Variants in RIF1 observed in about 807,000 individuals in gnomAD.
The protein encoded by RIF1 is telomere-associated protein RIF1.
A neutral mutation model predicts 247.1 loss-of-function variants in RIF1; 45 were observed. The observed-to-expected ratio is 0.18, with a 90% CI of 0.14 to 0.23. The LOEUF (loss-of-function observed/expected upper bound fraction) is 0.23, where lower values mean the gene tolerates loss of function less well. Among genes scored for constraint, RIF1 ranks in the 10% least tolerant of loss-of-function variants. The pLI is 1.00. For synonymous variants in RIF1, 1,087 were observed against 978.8 expected, an observed-to-expected ratio of 1.11 and a Z score of -2.06; for missense variants, 2,967 against 2,862.5, an observed-to-expected ratio of 1.04 and a Z score of -0.83.
intron 8 of RIF1, among the ~76,000 whole-genome samples, chr2:151,427,297 G>T (rs1396119744): frequency 1.3e-5 from 2 of 151,586 alleles, no homozygotes; most frequent in African/African-American, 4.8e-5. Context: ...TGCAGCCTCG[G>T]CCTCTCAGGT....
the RIF1 span, chr2:151,532,133 G>T: frequency 2.8e-6 from 1 of 354,366 alleles, no homozygotes; most frequent in Non-Finnish European, 5.2e-6. Flanking sequence ...GTCTTACTCT[G>T]TCACCCAGGC....
At chr2:151,528,158 G>A in the RIF1 span, among the ~76,000 whole-genome samples, 1 of 152,206 alleles carries the variant, frequency 6.6e-6, no homozygotes, top group African/African-American at 2.4e-5. Flanking sequence ...TCTGGCTGCA[G>A]AGGGGCTTGC....
chr2:151,514,092 A>G, the RIF1 span, among the ~76,000 whole-genome samples: 1 of 152,246 alleles, frequency 6.6e-6, no homozygotes, highest in Non-Finnish European at 1.5e-5. Context: ...ATATTAGATA[A>G]TAGATTATGA....
At chr2:151,527,146 G>A in the RIF1 span, 1 of 672,936 alleles carries the variant, frequency 1.5e-6, no homozygotes, top group Non-Finnish European at 2.5e-6. Context: ...AGAATGAGGA[G>A]AAGAGCTTCT....
chr2:151,413,907 G>A (rs993280390), intron 3 of RIF1, among the ~76,000 whole-genome samples: 1 of 152,208 alleles, frequency 6.6e-6, no homozygotes, highest in African/African-American at 2.4e-5. Flanking sequence ...AGTAGGAAAT[G>A]GTACAAGGGA....
At chr2:151,527,029 TAGAAGAAAGGC>T in the RIF1 span, 1 of 1,570,888 alleles carries the variant, frequency 6.4e-7, no homozygotes, top group East Asian at 2.3e-5. Context: ...CAAACTGTGA[TAGAAGAAAGGC>T]AGAAGAAAAG....
chr2:151,419,746 T>A (rs1267886600), intron 6 of RIF1, among the ~76,000 whole-genome samples: 2 of 152,222 alleles, frequency 1.3e-5, no homozygotes, highest in Non-Finnish European at 2.9e-5. Flanking sequence ...ACATGAATAA[T>A]GTATTGCACT....
At chr2:151,461,356 G>GT (rs1696125391) in intron 27 of RIF1, 67 bp downstream of exon 27, 3 of 1,398,942 alleles carry the variant, frequency 2.1e-6, no homozygotes, top group Admixed American at 2.1e-5. Flanking sequence ...CAAGAAAAGT[G>GT]TAACTTTGTG....
chr2:151,518,433 G>C, the RIF1 span: 3 of 1,551,418 alleles, frequency 1.9e-6, no homozygotes, highest in Non-Finnish European at 2.7e-6. Context: ...CTGAGGGGAA[G>C]GCGGCAAAAA....
the RIF1 span, among the ~76,000 whole-genome samples, chr2:151,520,845 CAG>C: frequency 5.3e-5 from 8 of 151,544 alleles, no homozygotes; most frequent in South Asian, 1.2e-3. Context: ...TCGTGGGCAA[CAG>C]AGCAAGACCC....
Position 151,420,373 on chromosome 2 carries a change from G to A in RIF1, c.687G>A (p.Met229Ile). ...QEIASITEQL[M>I]TTKLISELQK... ...TAGCATCTATTACGGAGCAGCTTATGACTACTGTGAGTGTTCTTTTATGTA... is the reference window on the plus strand; with the variant it reads ...TAGCATCTATTACGGAGCAGCTTATAACTACTGTGAGTGTTCTTTTATGTA... Residue 229 changes from methionine (M) to isoleucine (I), a missense_variant, in exon 7 of 36, where the codon ATG becomes ATA. Coordinates refer to ENST00000444746, the MANE Select transcript of RIF1 (RefSeq NM_018151.5). 31 of 1,613,888 alleles carry A rather than the reference G, an allele frequency of 1.9e-5. No individual in the cohort carries two copies. Among genetic ancestry groups the A allele is most frequent in the Non-Finnish European group, 2.5e-5 (30 of 1,179,890 alleles).
rs2152565508 is a variant in RIF1, at chr2:151,480,310, G to A, written c.*5239G>A. ...CACAGTGTGCCAATTTATAATTGTA[G>A]ATAAAGCTGAATTTACTGGGCAGCA... On this transcript the variant is annotated 3_prime_UTR_variant, in exon 36 of 36. Transcript: ENST00000444746. The A allele has an allele frequency of 6.6e-6, 1 of 152,288 alleles. No homozygotes were observed. The highest frequency in any genetic ancestry group is 1.9e-4 in the East Asian group (1 of 5,180). The allele number at this position is 152,288 out of a possible 1,614,324, so 9.4% of individuals were successfully genotyped here. A position where few individuals can be genotyped will look rare whatever the true frequency, so the allele number is the denominator to read the frequency against.
chr2:151,469,993 T>C (rs548840263), intron 34 of RIF1, 129 bp downstream of exon 34: 39 of 544,814 alleles, frequency 7.2e-5, no homozygotes, highest in Middle Eastern at 5.4e-4. Context: ...ACTGTCTTTA[T>C]GCATTGCACC....
intron 22 of RIF1, among the ~76,000 whole-genome samples, chr2:151,456,218 A>T (rs1279932699): frequency 1.3e-5 from 2 of 152,216 alleles, no homozygotes; most frequent in Non-Finnish European, 2.9e-5. Context: ...AAGTTTTAGG[A>T]ACAGATTTTA....
intron 20 of RIF1, among the ~76,000 whole-genome samples, chr2:151,447,551 T>C (rs964056030): frequency 2.0e-5 from 3 of 152,194 alleles, no homozygotes; most frequent in African/African-American, 4.8e-5. Flanking sequence ...TATTTATTTA[T>C]TTATTATTTT....
exon 11 of RIF1, chr2:151,499,442 C>A (rs1278459105): frequency 2.1e-6 from 2 of 960,876 alleles, no homozygotes; most frequent in Non-Finnish European, 1.6e-6. Flanking sequence ...CAAAACAGCC[C>A]TTTCATCTAC....
At position 151,420,292 on chromosome 2, in the gene RIF1, G is replaced by A. The variant is rs12621091; in HGVS notation, c.606G>A (p.Arg202=). ...ATTCAGCACAAAAGGTACATTTGCG[G>A]GGAGCAACTGCTCTGGAGATGGGAA... is the stretch of plus-strand genomic sequence containing the variant. The part of the protein sequence containing the change: ...VVHSAQKVHL[R]GATALEMGMP... The change falls in exon 7 of 36, where the codon CGG becomes CGA. Residue 202 remains arginine (R), a synonymous_variant. Transcript: ENST00000444746. 26 of 1,614,148 alleles carry A rather than the reference G, an allele frequency of 1.6e-5. No homozygotes were observed. In the East Asian group the frequency reaches 5.1e-4, roughly 32 times the overall value.
Position 151,432,962 on chromosome 2 carries a change from T to A in RIF1, c.926-115T>A, listed in dbSNP as rs545482237. 69 of 799,002 alleles carry A rather than the reference T, an allele frequency of 8.6e-5. 1 individual carries two copies. The highest frequency in any genetic ancestry group is 6.2e-4 in the South Asian group (20 of 32,108). 49.5% of individuals were successfully genotyped at this position (799,002 alleles called of 1,614,324 possible). ...AGGACAGCCTGGGGATTTATTTTTTTAAAAAAATTTTAAAATACGTTCTCT... is the reference window on the plus strand; with the variant it reads ...AGGACAGCCTGGGGATTTATTTTTTAAAAAAAATTTTAAAATACGTTCTCT... On this transcript the variant is annotated intron_variant, in intron 9 of 35. Coordinates refer to ENST00000444746, the MANE Select transcript of RIF1 (RefSeq NM_018151.5).
chr2:151,472,086 G>A lies in RIF1; in HGVS notation c.7096-1878G>A, dbSNP rs200383060. On this transcript the variant is annotated intron_variant, in intron 34 of 35. Transcript: ENST00000444746. ...AGTTCTCCTTGAAGAGGTCCTTCAC[G>A]TCCCTTGTAAGTTGGATTCCTAGGT... 2.9e-3 allele frequency among the ~76,000 whole-genome samples: 440 copies of A among 152,026 alleles called. 2 individuals are homozygous for A. The highest frequency in any genetic ancestry group is 9.7e-3 in the African/African-American group (403 of 41,494).
Sources: allele counts gnomAD v4.1 joint callset (sites outside exome capture counted in the v4.1 genomes callset), GRCh38; gene constraint gnomAD v4.1.1; transcripts MANE v1.5; gene names NCBI Gene and HGNC (gene_info 2026-07-23, HGNC 2026-07-21).